The following GALNTL6 variants were observed in gnomAD, a reference collection of about 807,000 sequenced individuals.
GALNTL6 encodes the protein polypeptide N-acetylgalactosaminyltransferase-like 6.
In GALNTL6, 46 loss-of-function variants were observed where a neutral mutation model predicts 73.7. The observed-to-expected ratio is 0.62, with a 90% CI of 0.49 to 0.80. GALNTL6 has a LOEUF of 0.80. Ranked by LOEUF, GALNTL6 falls within the 30% of genes least tolerant of loss-of-function variation. The pLI is 0.00. For missense variants in GALNTL6, 604 were observed against 755.0 expected, an observed-to-expected ratio of 0.80 and a Z score of 2.34; for synonymous variants, 259 against 263.7, an observed-to-expected ratio of 0.98 and a Z score of 0.17.
intron 2 of GALNTL6, among the ~76,000 whole-genome samples, chr4:172,142,695 A>C (rs1455271666): frequency 6.6e-6 from 1 of 152,020 alleles, no homozygotes; most frequent in Non-Finnish European, 1.5e-5. Context: ...CTTTTGAAAA[A>C]GTAATTCTGC....
chr4:172,312,198 A>G (rs533281989), intron 4 of GALNTL6, among the ~76,000 whole-genome samples: 7 of 152,340 alleles, frequency 4.6e-5, no homozygotes, highest in Non-Finnish European at 8.8e-5. Context: ...GAATGCATCC[A>G]TAATCCAAAA....
chr4:172,634,710 C>A (rs1395264028), intron 5 of GALNTL6, among the ~76,000 whole-genome samples: 1 of 152,150 alleles, frequency 6.6e-6, no homozygotes, highest in Non-Finnish European at 1.5e-5. Context: ...TTTATTACTA[C>A]AACTTATTCA....
intron 5 of GALNTL6, among the ~76,000 whole-genome samples, chr4:172,452,960 C>T (rs370291910): frequency 5.0e-4 from 76 of 152,218 alleles, no homozygotes; most frequent in East Asian, 1.5e-3. Flanking sequence ...CCCAAAACTT[C>T]GGGAGGCCGA....
chr4:172,360,033 G>C (rs1341109806), intron 5 of GALNTL6, among the ~76,000 whole-genome samples: 2 of 152,162 alleles, frequency 1.3e-5, no homozygotes, highest in African/African-American at 4.8e-5. Context: ...CCAGAAGAGG[G>C]CCTAATGGCA....
intron 5 of GALNTL6, among the ~76,000 whole-genome samples, chr4:172,529,228 A>G (rs906104199): frequency 6.6e-6 from 1 of 151,794 alleles, no homozygotes; most frequent in Admixed American, 6.6e-5. Context: ...TATAATCTAA[A>G]GAAACAGCCT....
intron 2 of GALNTL6, among the ~76,000 whole-genome samples, chr4:171,935,233 C>T (rs1045121812): frequency 6.6e-6 from 1 of 152,148 alleles, no homozygotes; most frequent in African/African-American, 2.4e-5. Context: ...TTTGGAAATG[C>T]ACATCTTTGA....
At chr4:172,652,453 T>G (rs1740517816) in intron 5 of GALNTL6, among the ~76,000 whole-genome samples, 1 of 152,114 alleles carries the variant, frequency 6.6e-6, no homozygotes, top group South Asian at 2.1e-4. Flanking sequence ...TGTCCTGAGG[T>G]GGGAAAAGCA....
At chr4:172,027,839 A>C (rs1741636396) in intron 2 of GALNTL6, among the ~76,000 whole-genome samples, 1 of 152,186 alleles carries the variant, frequency 6.6e-6, no homozygotes, top group Admixed American at 6.6e-5. Flanking sequence ...ATATGAAGAA[A>C]GTTTTAATGG....
chr4:172,255,676 A>G (rs1738050129), intron 3 of GALNTL6, among the ~76,000 whole-genome samples: 3 of 151,610 alleles, frequency 2.0e-5, no homozygotes, highest in South Asian at 4.1e-4. Flanking sequence ...TTGAAAATAT[A>G]TACACCAAAC....
rs186701175 is a variant in GALNTL6 at position 172,829,085 on chromosome 4, C to T, written c.923+15362C>T. Among the ~76,000 whole-genome samples the T allele has an allele frequency of 1.0e-3, 158 of 152,312 alleles. 1 individual carries two copies. The highest frequency in any genetic ancestry group is 1.5e-4 in the Non-Finnish European group (10 of 68,018). ...GCTCTGGTGTACTCCCGTGCCTTCA[C>T]ATCCTCTCCCTTCTGTATGTGTATG... is the stretch of plus-strand genomic sequence containing the variant. On this transcript the variant is annotated intron_variant, in intron 7 of 12. Transcript: ENST00000506823.
At chr4:172,692,343 A>AT (rs913370944) in intron 5 of GALNTL6, among the ~76,000 whole-genome samples, 3 of 151,874 alleles carry the variant, frequency 2.0e-5, no homozygotes, top group East Asian at 1.9e-4. Context: ...TACATTCTAG[A>AT]TTTTTTTTAG....
Position 171,953,230 on chromosome 4 carries a change from G to GTC in GALNTL6, c.138+138513_138+138514insCT. Among the ~76,000 whole-genome samples the GTC allele has an allele frequency of 5.5e-5, 3 of 54,778 alleles. No individual in the cohort carries two copies. In the South Asian group the frequency reaches 1.9e-3, roughly 34 times the overall value. 35.9% of individuals were successfully genotyped at this position (54,778 alleles called of 152,430 possible). On this transcript the variant is annotated intron_variant, in intron 2 of 12. Transcript: ENST00000506823. ...AAATGGTGTGCGCATGCGCACGTGT[G>GTC]TGTGTGTGTGTGTGTGTGTGTGTGT...
chr4:172,087,443 C>A (rs2130999), intron 2 of GALNTL6, among the ~76,000 whole-genome samples: 4 of 117,116 alleles, frequency 3.4e-5, no homozygotes, highest in East Asian at 5.7e-4. Flanking sequence ...AGACTCCATC[C>A]CAAAAAAAAA....
At chr4:172,982,638 T>G (rs1751117928) in intron 10 of GALNTL6, among the ~76,000 whole-genome samples, 1 of 152,146 alleles carries the variant, frequency 6.6e-6, no homozygotes, top group Non-Finnish European at 1.5e-5. Flanking sequence ...TCACTATAAA[T>G]TACCTATGTA....
intron 5 of GALNTL6, among the ~76,000 whole-genome samples, chr4:172,621,887 G>A (rs1738974856): frequency 6.6e-6 from 1 of 151,800 alleles, no homozygotes; most frequent in Non-Finnish European, 1.5e-5. Flanking sequence ...TTTAATCTTA[G>A]AATTTAAGAA....
rs1480329654 is a variant in GALNTL6, at chr4:173,041,556, A to T, written c.*1456A>T. On this transcript the variant is annotated 3_prime_UTR_variant, in exon 13 of 13. Coordinates refer to ENST00000506823, the MANE Select transcript of GALNTL6 (RefSeq NM_001034845.3). ...TTTTCCTGTTAATAAAAATTTATATAACATCTTGGATCTAGAGCATTAAAT... is the reference window on the plus strand; with the variant it reads ...TTTTCCTGTTAATAAAAATTTATATTACATCTTGGATCTAGAGCATTAAAT... 1.3e-5 allele frequency: 2 copies of T among 152,158 alleles called. No homozygotes were observed. Among genetic ancestry groups the T allele is most frequent in the African/African-American group, 4.8e-5 (2 of 41,430 alleles). The allele number at this position is 152,158 out of a possible 1,614,324, so 9.4% of individuals were successfully genotyped here.
At chr4:172,585,109 G>GAA (rs56223227) in intron 5 of GALNTL6, among the ~76,000 whole-genome samples, 30 of 150,454 alleles carry the variant, frequency 2.0e-4, no homozygotes, top group African/African-American at 7.1e-4. Flanking sequence ...TCATGAACTA[G>GAA]AAAAAAAAAA....
intron 5 of GALNTL6, among the ~76,000 whole-genome samples, chr4:172,430,658 A>T (rs941811931): frequency 6.6e-6 from 1 of 152,136 alleles, no homozygotes; most frequent in African/African-American, 2.4e-5. Flanking sequence ...TAAATAAATT[A>T]GCTTGGCTTG....
At chr4:172,845,525 C>T (rs1049694651) in intron 7 of GALNTL6, among the ~76,000 whole-genome samples, 31 of 152,148 alleles carry the variant, frequency 2.0e-4, no homozygotes, top group African/African-American at 6.8e-4. Flanking sequence ...CTGATGCCGG[C>T]TTTGAATGAG....
Sources: gnomAD v4.1 joint callset for allele counts (sites outside exome capture counted in the v4.1 genomes callset) on GRCh38, gnomAD v4.1.1 for gene constraint, MANE v1.5 for transcripts, NCBI Gene and HGNC (gene_info 2026-07-23, HGNC 2026-07-21) for gene names.